The following ZNF541 variants were observed in gnomAD, a reference collection of about 807,000 sequenced individuals.
ZNF541 encodes zinc finger protein 541.
A neutral mutation model predicts 123.5 loss-of-function variants in ZNF541; 23 were observed. The ratio of observed to expected loss-of-function variants is 0.19; its 90% CI spans 0.13 to 0.26. ZNF541 has a LOEUF of 0.26. ZNF541 is among the 10% of genes least tolerant of loss of function. The probability of loss-of-function intolerance (pLI) is 1.00; values close to 1 mark genes in which losing one functional copy is unlikely to be tolerated. For missense variants in ZNF541, 1,612 were observed against 1,789.9 expected, an observed-to-expected ratio of 0.90 and a Z score of 1.79; for synonymous variants, 751 against 754.5, an observed-to-expected ratio of 1.00 and a Z score of 0.08.
chr19:47,538,273 A>G lies in ZNF541; in HGVS notation c.2963T>C (p.Leu988Ser), dbSNP rs532428703. Residue 988 changes from leucine (L) to serine (S), a missense_variant, in exon 9 of 17, where the codon TTA becomes TCA. Leu to Ser is a moderately radical substitution (Grantham distance 145). Coordinates refer to ENST00000391901, the MANE Select transcript of ZNF541 (RefSeq NM_001277075.3). ...MFLVDCLLKGLFQCSPYTPPP... is the reference protein window; with the variant it reads ...MFLVDCLLKGSFQCSPYTPPP... ...TGGTGTGTAGGGGGAGCACTGGAAT[A>G]AGCCCTTCAGGAGGCAGTCCACCAG... 1 of 1,551,254 alleles carries G rather than the reference A, an allele frequency of 6.4e-7. No homozygotes were observed. The highest frequency in any genetic ancestry group is 1.4e-5 in the African/African-American group (1 of 73,166).
Position 47,532,476 on chromosome 19 carries a change from CCT to C in ZNF541, c.3159-208_3159-207del, listed in dbSNP as rs141656962. Among the ~76,000 whole-genome samples, 141 of 152,252 alleles carry C rather than the reference CCT, an allele frequency of 9.3e-4. 1 individual carries two copies. Among genetic ancestry groups the C allele is most frequent in the African/African-American group, 3.3e-3 (136 of 41,556 alleles). ...CTTCTGCAGGGACACTTCCTCCCTT[CCT>C]CTGTTTTCCTTCATTGCCACATTTC... On this transcript the variant is annotated intron_variant, in intron 10 of 16. Coordinates refer to ENST00000391901, the MANE Select transcript of ZNF541 (RefSeq NM_001277075.3).
intron 8 of ZNF541, 25 bp from the exon 9 acceptor site, chr19:47,538,464 G>A (rs1043245160): frequency 6.8e-7 from 1 of 1,467,844 alleles, no homozygotes; most frequent in Non-Finnish European, 9.0e-7. Context: ...AACCACAGGT[G>A]GTCGCCTGAA....
chr19:47,532,988 T>C lies in ZNF541; in HGVS notation c.3095-16A>G, dbSNP rs572921847. 20 of 1,542,946 alleles carry C rather than the reference T, an allele frequency of 1.3e-5. 1 individual carries two copies. In the South Asian group the frequency reaches 2.4e-4, roughly 19 times the overall value. On this transcript the variant is annotated splice_polypyrimidine_tract_variant and intron_variant, in intron 9 of 16. Transcript: ENST00000391901. ...TCCACTTGATCTAGAAAGCACAGAGTGAAAAGGCTCAAGAAGACAGACAGC... is the reference window on the plus strand; with the variant it reads ...TCCACTTGATCTAGAAAGCACAGAGCGAAAAGGCTCAAGAAGACAGACAGC...
At chr19:47,533,359 CAAAAAAAAAAAAAAAAAAAAAAAA>C (rs57243927) in intron 9 of ZNF541, among the ~76,000 whole-genome samples, 3 of 18,730 alleles carry the variant, frequency 1.6e-4, no homozygotes, top group South Asian at 4.1e-3. Context: ...GACTCCATCT[CAAAAAAAAAAAAAAAAAAAAAAAA>C]AAAAAAAAAA....
In ZNF541 at chr19:47,531,649, T is replaced by C; in HGVS notation, c.3398A>G (p.Asn1133Ser). ...ALHCLHEAQGNVQVALETLLL... is the reference protein window; with the variant it reads ...ALHCLHEAQGSVQVALETLLL... ...CCCCTTGCTGTTCCTCACCTGAACGTTGCCCTGAGCCTCGTGCAGGCAGTG... is the reference window on the plus strand; with the variant it reads ...CCCCTTGCTGTTCCTCACCTGAACGCTGCCCTGAGCCTCGTGCAGGCAGTG... The change falls in exon 12 of 17, where the codon AAC becomes AGC. Residue 1133 changes from asparagine to serine, a missense_variant. By Grantham distance (46) the Asn-to-Ser change is conservative. Coordinates refer to ENST00000391901, the MANE Select transcript of ZNF541 (RefSeq NM_001277075.3). The C allele has an allele frequency of 6.5e-7, 1 of 1,542,172 alleles. No individual in the cohort carries two copies. Among genetic ancestry groups the C allele is most frequent in the Non-Finnish European group, 8.8e-7 (1 of 1,139,920 alleles).
intron 1 of ZNF541, among the ~76,000 whole-genome samples, 24 bp from the exon 2 acceptor site, chr19:47,572,066 A>G (rs1971494705): frequency 6.6e-6 from 1 of 152,216 alleles, no homozygotes; most frequent in African/African-American, 2.4e-5. Flanking sequence ...GTGGGAAGGA[A>G]GAAGCAGTCA....
chr19:47,539,779 C>G lies in ZNF541; in HGVS notation c.2722G>C (p.Ala908Pro), dbSNP rs1232548524. The G allele has an allele frequency of 6.8e-7, 1 of 1,479,358 alleles. No individual in the cohort carries two copies. Among genetic ancestry groups the G allele is most frequent in the Non-Finnish European group, 8.9e-7 (1 of 1,122,772 alleles). The allele number at this position is 1,479,358 out of a possible 1,614,324, so 91.6% of individuals were successfully genotyped here. The change falls in exon 8 of 17, where the codon GCT becomes CCT. Residue 908 changes from alanine (A) to proline (P), a missense_variant. This residue lies in a region of ZNF541 where 1,080 missense variants were observed against 1,013.8 expected (regional missense o/e 1.07). Transcript: ENST00000391901. Reference sequence around the variant, plus strand: ...TGGGGGACCACCAAAGGGGCTGCAGCTGTGGGGTCCAAGGGCTTCTTGGTT... The same window carrying G: ...TGGGGGACCACCAAAGGGGCTGCAGGTGTGGGGTCCAAGGGCTTCTTGGTT... ...PGTKKPLDPT[A>P]AAPLVVPQSI...
rs758574917 is a variant in ZNF541, at chr19:47,532,935, C to T, written c.3132G>A (p.Lys1044=). ...GCTCAATGCTGATTTTGGTGTCATC[C>T]TTCACCACACAGATGCCAAAGGACC... ...VDGSFGICVV[K]DDTKISIEPH... The change falls in exon 10 of 17, where the codon AAG becomes AAA. Residue 1044 remains lysine, a synonymous_variant. Coordinates refer to ENST00000391901, the MANE Select transcript of ZNF541 (RefSeq NM_001277075.3). The T allele has an allele frequency of 1.2e-5, 19 of 1,550,396 alleles. No individual in the cohort carries two copies. The highest frequency in any genetic ancestry group is 1.6e-5 in the Non-Finnish European group (18 of 1,146,418).
chr19:47,569,871 C>T (rs1222643620), intron 2 of ZNF541, among the ~76,000 whole-genome samples: 3 of 113,858 alleles, frequency 2.6e-5, no homozygotes, highest in South Asian at 2.6e-4. Context: ...CAGCGAAACC[C>T]TGTCTCAAGA....
At position 47,567,408 on chromosome 19, in the gene ZNF541, G is replaced by A. The variant is rs141572109; in HGVS notation, c.-99+4488C>T. On this transcript the variant is annotated intron_variant, in intron 2 of 16. Transcript: ENST00000391901. ...GAGTAGCTGGGGATTACAGGCGCCC[G>A]CCATCATGCCCAGCTAATTTTTGTA... Among the ~76,000 whole-genome samples, 501 of 152,206 alleles carry A rather than the reference G, an allele frequency of 3.3e-3. 2 individuals are homozygous for A. The highest frequency in any genetic ancestry group is 0.011 in the African/African-American group (468 of 41,562).
chr19:47,538,534 CAG>C (rs1969933508), intron 8 of ZNF541, 95 bp from the exon 9 acceptor site: 1 of 1,318,148 alleles, frequency 7.6e-7, no homozygotes, highest in Non-Finnish European at 1.0e-6. Context: ...GGAGACCGGC[CAG>C]AGACAGGAAA....
chr19:47,558,481 A>C (rs1970920797), intron 2 of ZNF541, among the ~76,000 whole-genome samples: 1 of 152,082 alleles, frequency 6.6e-6, no homozygotes, highest in South Asian at 2.1e-4. Flanking sequence ...CAGATAATTA[A>C]AAAATTAGAT....
chr19:47,527,995 G>A (rs1383481927), intron 14 of ZNF541, among the ~76,000 whole-genome samples: 5 of 145,592 alleles, frequency 3.4e-5, no homozygotes, highest in Non-Finnish European at 7.5e-5. Flanking sequence ...CACCACGCCA[G>A]GCCCTTTTTT....
chr19:47,522,103 T>C, intron 14 of ZNF541, 109 bp from the exon 15 acceptor site: 1 of 1,411,276 alleles, frequency 7.1e-7, no homozygotes. Context: ...AAGCACCTCT[T>C]CCTTTGGCTT....
intron 14 of ZNF541, among the ~76,000 whole-genome samples, chr19:47,525,143 G>C (rs1285308796): frequency 6.6e-6 from 1 of 152,076 alleles, no homozygotes; most frequent in Non-Finnish European, 1.5e-5. Context: ...AAATTAGCCA[G>C]GTGTGGTTGT....
At chr19:47,541,458 A>C (rs1479431384) in intron 5 of ZNF541, among the ~76,000 whole-genome samples, 1 of 152,210 alleles carries the variant, frequency 6.6e-6, no homozygotes, top group Non-Finnish European at 1.5e-5. Flanking sequence ...TGTCCTGCAA[A>C]TGGTATCATA....
At chr19:47,536,449 C>T (rs1969824816) in intron 9 of ZNF541, among the ~76,000 whole-genome samples, 1 of 152,092 alleles carries the variant, frequency 6.6e-6, no homozygotes, top group South Asian at 2.1e-4. Flanking sequence ...TGTTGGCCAG[C>T]CTGGTCTTGA....
In ZNF541 at chr19:47,571,924, G is replaced by A. The variant is rs1444183621; in HGVS notation, c.-127C>T. Among the ~76,000 whole-genome samples, 2 of 152,184 alleles carry A rather than the reference G, an allele frequency of 1.3e-5. No homozygotes were observed. The highest frequency in any genetic ancestry group is 6.6e-5 in the Admixed American group (1 of 15,266). ...AAGAGCAAGTTAGTGAATCTCCAGGGAACAGGAGGACCCAGTTTAGGCCCC... is the reference window on the plus strand; with the variant it reads ...AAGAGCAAGTTAGTGAATCTCCAGGAAACAGGAGGACCCAGTTTAGGCCCC... On this transcript the variant is annotated 5_prime_UTR_variant, in exon 2 of 17. Transcript: ENST00000391901.
chr19:47,544,414 C>T lies in ZNF541; in HGVS notation c.2115G>A (p.Gly705=), dbSNP rs1970220178. 2 of 1,551,464 alleles carry T rather than the reference C, an allele frequency of 1.3e-6. No homozygotes were observed. The highest frequency in any genetic ancestry group is 2.0e-5 in the Admixed American group (1 of 50,986). Reference sequence around the variant, plus strand: ...GCAGCGAGGCTCCTGGTGGCTCCTCCCCACCTAACTGGGTCTGCCGTTGGC... The same window carrying T: ...GCAGCGAGGCTCCTGGTGGCTCCTCTCCACCTAACTGGGTCTGCCGTTGGC... ...STGQRQTQLG[G]EEPPGASLPG... is the part of the protein sequence containing the mutation. Residue 705 remains glycine (G), a synonymous_variant, in exon 5 of 17, where the codon GGG becomes GGA. Transcript: ENST00000391901.
Sources: allele counts gnomAD v4.1 joint callset (sites outside exome capture counted in the v4.1 genomes callset), GRCh38; gene constraint gnomAD v4.1.1; regional missense constraint gnomAD v4.1.1; transcripts MANE v1.5; gene names NCBI Gene and HGNC (gene_info 2026-07-23, HGNC 2026-07-21).